NKAIN3: variants seen among roughly 807,000 people sequenced by gnomAD.
NKAIN3 encodes sodium/potassium-transporting ATPase subunit beta-1-interacting protein 3.
In NKAIN3, 25 loss-of-function variants were observed where a neutral mutation model predicts 30.2. The ratio of observed to expected loss-of-function variants is 0.83; its 90% confidence interval spans 0.60 to 1.16. The LOEUF is 1.16. Among genes scored for constraint, NKAIN3 ranks in the 50% most tolerant of loss-of-function variants. The probability of loss-of-function intolerance (pLI) is 0.00; values close to 1 mark genes in which losing one functional copy is unlikely to be tolerated. For synonymous variants in NKAIN3, 91 were observed against 89.6 expected (o/e 1.02, Z -0.09); for missense variants, 225 against 254.1 (o/e 0.89, Z 0.78).
intron 1 of NKAIN3, among the ~76,000 whole-genome samples, chr8:62,550,415 G>A (rs999574433): frequency 3.9e-5 from 6 of 152,228 alleles, no homozygotes; most frequent in Admixed American, 3.3e-4. Context: ...GCGTGTGCGC[G>A]TGTGTGTGGT....
At chr8:62,901,115 CAGGAAA>C (rs1821603143) in intron 4 of NKAIN3, among the ~76,000 whole-genome samples, 1 of 152,144 alleles carries the variant, frequency 6.6e-6, no homozygotes, top group African/African-American at 2.4e-5. Context: ...GAGCACAATA[CAGGAAA>C]AGTGGTGATA....
chr8:62,638,595 A>G (rs888955466), intron 3 of NKAIN3, among the ~76,000 whole-genome samples: 1 of 152,154 alleles, frequency 6.6e-6, no homozygotes, highest in Non-Finnish European at 1.5e-5. Flanking sequence ...ACTAGAGTGT[A>G]TCTTCGTCTC....
At chr8:62,509,518 G>T (rs529673733) in intron 1 of NKAIN3, among the ~76,000 whole-genome samples, 1 of 151,948 alleles carries the variant, frequency 6.6e-6, no homozygotes, top group Non-Finnish European at 1.5e-5. Flanking sequence ...CTAATCTATG[G>T]GCTATTAATG....
chr8:62,788,257 A>G (rs1477639345), intron 4 of NKAIN3, among the ~76,000 whole-genome samples: 7 of 152,102 alleles, frequency 4.6e-5, no homozygotes. Flanking sequence ...GTATCTCATT[A>G]TGGTTTTGAT....
At chr8:62,346,584 G>T (rs1442008088) in intron 1 of NKAIN3, among the ~76,000 whole-genome samples, 1 of 152,072 alleles carries the variant, frequency 6.6e-6, no homozygotes, top group Non-Finnish European at 1.5e-5. Context: ...CCAGTGTGAA[G>T]GGGCTGACTG....
At chr8:62,910,832 A>T (rs537664691) in intron 4 of NKAIN3, among the ~76,000 whole-genome samples, 1 of 151,594 alleles carries the variant, frequency 6.6e-6, no homozygotes, top group African/African-American at 2.4e-5. Flanking sequence ...CTACATATTG[A>T]TATGTGAAAA....
At chr8:62,664,574 T>C (rs1813039858) in intron 3 of NKAIN3, among the ~76,000 whole-genome samples, 2 of 152,166 alleles carry the variant, frequency 1.3e-5, no homozygotes, top group Admixed American at 1.3e-4. Flanking sequence ...TGAGCTTCTG[T>C]GAAGCCCTGG....
chr8:62,639,902 A>G (rs1586038466), intron 3 of NKAIN3, among the ~76,000 whole-genome samples: 1 of 152,102 alleles, frequency 6.6e-6, no homozygotes, highest in African/African-American at 2.4e-5. Context: ...TAAGTCAATA[A>G]TCATCTTGGA....
At chr8:62,317,203 A>G (rs1442039847) in intron 1 of NKAIN3, among the ~76,000 whole-genome samples, 1 of 151,852 alleles carries the variant, frequency 6.6e-6, no homozygotes, top group Non-Finnish European at 1.5e-5. Flanking sequence ...GATTGCAAAA[A>G]TTTTCTCCCA....
intron 1 of NKAIN3, among the ~76,000 whole-genome samples, chr8:62,513,857 CAAAAAAAAA>C (rs10608416): frequency 9.5e-5 from 5 of 52,616 alleles, no homozygotes; most frequent in Non-Finnish European, 1.3e-4. Context: ...AAACCTGTCT[CAAAAAAAAA>C]AAAAAAAAAA....
chr8:62,776,579 A>C (rs1325744847), intron 4 of NKAIN3, among the ~76,000 whole-genome samples: 1 of 152,198 alleles, frequency 6.6e-6, no homozygotes, highest in African/African-American at 2.4e-5. Flanking sequence ...AGAGAAAACC[A>C]ATAACAGCTG....
chr8:62,701,439 A>G (rs1394084231), intron 3 of NKAIN3, among the ~76,000 whole-genome samples: 2 of 152,214 alleles, frequency 1.3e-5, no homozygotes, highest in Non-Finnish European at 2.9e-5. Flanking sequence ...TTGTGAGAGC[A>G]CAAGGGGTCC....
intron 4 of NKAIN3, among the ~76,000 whole-genome samples, chr8:62,763,826 C>T (rs944841922): frequency 4.6e-5 from 7 of 152,174 alleles, no homozygotes; most frequent in African/African-American, 7.2e-5. Flanking sequence ...GGCTTCTGGC[C>T]GATTTCAGTC....
Position 62,797,916 on chromosome 8 carries a change from T to C in NKAIN3, c.471+50787T>C, listed in dbSNP as rs147638136. On this transcript the variant is annotated intron_variant, in intron 4 of 6. Transcript: ENST00000623646. ...GAGAATGCCATGTGAAGAATGGAGT[T>C]ATGCTGCCACAAATTAATGAACTGC... is the stretch of plus-strand genomic sequence containing the variant. 6.6e-5 allele frequency among the ~76,000 whole-genome samples: 10 copies of C among 152,266 alleles called. No individual in the cohort carries two copies. In the East Asian group the frequency reaches 1.7e-3, roughly 26 times the overall value.
At chr8:62,433,346 G>GA (rs1310678668) in intron 1 of NKAIN3, among the ~76,000 whole-genome samples, 1 of 151,390 alleles carries the variant, frequency 6.6e-6, no homozygotes, top group Non-Finnish European at 1.5e-5. Context: ...GTTAAGAAAG[G>GA]AAAAAAACGA....
chr8:62,286,213 C>A (rs1161609545), intron 1 of NKAIN3, among the ~76,000 whole-genome samples: 1 of 152,140 alleles, frequency 6.6e-6, no homozygotes, highest in Non-Finnish European at 1.5e-5. Flanking sequence ...AGGACACTAA[C>A]CCCTTTGTAA....
At position 62,685,971 on chromosome 8, in the gene NKAIN3, TA is replaced by T. The variant is rs112127473; in HGVS notation, c.274-60958del. Among the ~76,000 whole-genome samples, 183 of 152,172 alleles carry T rather than the reference TA, an allele frequency of 1.2e-3. 1 individual carries two copies. The highest frequency in any genetic ancestry group is 0.01 in the Middle Eastern group (3 of 294). On this transcript the variant is annotated intron_variant, in intron 3 of 6. Coordinates refer to ENST00000623646, the MANE Select transcript of NKAIN3 (RefSeq NM_001304533.3). Reference sequence around the variant, plus strand: ...GTTTTAATAATTAGTTACATTTTTTTAAATTAAATAATGGTGATTATGGAAG... The same window carrying T: ...GTTTTAATAATTAGTTACATTTTTTTAATTAAATAATGGTGATTATGGAAG...
chr8:62,441,277 G>T (rs1312071695), intron 1 of NKAIN3, among the ~76,000 whole-genome samples: 1 of 151,370 alleles, frequency 6.6e-6, no homozygotes, highest in Non-Finnish European at 1.5e-5. Flanking sequence ...TTTGTTTTTC[G>T]GTATGCCTTC....
intron 5 of NKAIN3, among the ~76,000 whole-genome samples, chr8:62,948,460 A>G (rs1823188041): frequency 6.6e-6 from 1 of 152,124 alleles, no homozygotes; most frequent in Non-Finnish European, 1.5e-5. Context: ...GGCCTCCCAA[A>G]GTGCTGGGAT....
Sources: allele counts gnomAD v4.1 joint callset (sites outside exome capture counted in the v4.1 genomes callset), GRCh38; gene constraint gnomAD v4.1.1; transcripts MANE v1.5; gene names NCBI Gene and HGNC (gene_info 2026-07-23, HGNC 2026-07-21).